Variants in FYN observed in about 807,000 individuals in gnomAD.
FYN encodes the protein FYN proto-oncogene, Src family tyrosine kinase.
Under a neutral mutation model 70.2 loss-of-function variants are expected in FYN, and 10 were observed. The ratio of observed to expected loss-of-function variants is 0.14; its 90% CI spans 0.09 to 0.24. The LOEUF (loss-of-function observed/expected upper bound fraction) is 0.24. Ranked by LOEUF, FYN falls within the 10% of genes least tolerant of loss-of-function variation. FYN has a pLI of 1.00. For missense variants in FYN, 319 were observed against 673.1 expected (o/e 0.47, Z 5.82); for synonymous variants, 236 against 248.6 (o/e 0.95, Z 0.48).
chr6:111,725,125 T>C (rs145845657), intron 3 of FYN, among the ~76,000 whole-genome samples: 3,214 of 152,300 alleles, frequency 0.021, 47 homozygotes, highest in Middle Eastern at 0.068. Context: ...AGAAGATTCA[T>C]GGCAGAGGGC....
chr6:111,711,668 C>T (rs1800385573), intron 5 of FYN, among the ~76,000 whole-genome samples: 1 of 152,200 alleles, frequency 6.6e-6, no homozygotes, highest in South Asian at 2.1e-4. Flanking sequence ...GTGGCAGCTG[C>T]CCTGGCAGAA....
At chr6:111,703,142 A>G (rs1405944355) in intron 7 of FYN, 108 bp from the exon 8 acceptor site, 16 of 899,340 alleles carry the variant, frequency 1.8e-5, no homozygotes, top group Admixed American at 4.3e-5. Context: ...ATGCACACAC[A>G]CATGTACACA....
At chr6:111,732,864 G>A (rs1321107291) in intron 3 of FYN, among the ~76,000 whole-genome samples, 1 of 152,096 alleles carries the variant, frequency 6.6e-6, no homozygotes, top group Non-Finnish European at 1.5e-5. Flanking sequence ...CTGGGCCCCG[G>A]ACAGCTTCAC....
chr6:111,867,349 G>C (rs868144588), intron 1 of FYN, among the ~76,000 whole-genome samples: 1 of 151,492 alleles, frequency 6.6e-6, no homozygotes, highest in African/African-American at 2.4e-5. Flanking sequence ...CAGCTACTCG[G>C]GAGGCTGAGG....
chr6:111,750,156 T>C (rs1163568747), intron 3 of FYN, among the ~76,000 whole-genome samples: 1 of 152,220 alleles, frequency 6.6e-6, no homozygotes, highest in Non-Finnish European at 1.5e-5. Flanking sequence ...AGTTTGCATG[T>C]ATGTCTCCGT....
At chr6:111,846,718 T>A (rs1191124009) in intron 1 of FYN, 89 bp from the exon 2 acceptor site, 8 of 398,072 alleles carry the variant, frequency 2.0e-5, no homozygotes, top group Non-Finnish European at 3.1e-5. Flanking sequence ...CACCATAGAA[T>A]TTCCATTTGT....
chr6:111,855,899 A>G (rs923648034), intron 1 of FYN, among the ~76,000 whole-genome samples: 1 of 152,200 alleles, frequency 6.6e-6, no homozygotes, highest in African/African-American at 2.4e-5. Flanking sequence ...CATGATGAGA[A>G]CTCAGTGTTC....
intron 2 of FYN, among the ~76,000 whole-genome samples, chr6:111,839,447 A>C (rs1188814564): frequency 6.6e-6 from 1 of 152,136 alleles, no homozygotes; most frequent in Non-Finnish European, 1.5e-5. Flanking sequence ...TGCAAGCTGA[A>C]GATATGATAA....
chr6:111,714,250 T>G, intron 5 of FYN, 97 bp downstream of exon 5: 1 of 760,164 alleles, frequency 1.3e-6, no homozygotes, highest in Non-Finnish European at 2.3e-6. Context: ...AAATGTTCTT[T>G]TAGCATTTCA....
chr6:111,693,833 T>C (rs79603407), intron 12 of FYN, among the ~76,000 whole-genome samples: 1,858 of 152,152 alleles, frequency 0.012, 31 homozygotes, highest in African/African-American at 0.041. Context: ...TGGGTGTGAA[T>C]CCCCAGATCC....
At chr6:111,845,052 C>CTGAG (rs1773484622) in intron 2 of FYN, 2 of 152,384 alleles carry the variant, frequency 1.3e-5, no homozygotes, top group South Asian at 4.1e-4. Flanking sequence ...ACCCCACTAA[C>CTGAG]TGAGCCCTGC....
chr6:111,824,829 G>A lies in FYN; in HGVS notation c.-82+21760C>T, dbSNP rs114205943. On this transcript the variant is annotated intron_variant, in intron 2 of 13. Transcript: ENST00000354650. ...CCAGGTAGCCACAAAATGAGGTCTT[G>A]CACACTTTTACTCCTAAGGTTATCT... Among the ~76,000 whole-genome samples, 592 of 152,284 alleles carry A rather than the reference G, an allele frequency of 3.9e-3. 6 individuals are homozygous for A. The highest frequency in any genetic ancestry group is 0.014 in the African/African-American group (576 of 41,560).
intron 3 of FYN, among the ~76,000 whole-genome samples, chr6:111,721,243 C>T (rs750599652): frequency 3.9e-5 from 6 of 152,126 alleles, no homozygotes; most frequent in Non-Finnish European, 5.9e-5. Flanking sequence ...GCACCCTTGG[C>T]GCCATATTAA....
chr6:111,724,506 C>G (rs2128465665), intron 3 of FYN, among the ~76,000 whole-genome samples: 1 of 152,274 alleles, frequency 6.6e-6, no homozygotes, highest in Non-Finnish European at 1.5e-5. Context: ...CCAGTAAGCC[C>G]AAGTTATAAG....
intron 3 of FYN, among the ~76,000 whole-genome samples, chr6:111,755,220 C>T (rs918134613): frequency 6.6e-6 from 1 of 151,898 alleles, no homozygotes; most frequent in Admixed American, 6.6e-5. Flanking sequence ...AGTGTGGATG[C>T]TAACAAGGTA....
intron 2 of FYN, among the ~76,000 whole-genome samples, chr6:111,824,949 A>AGAAG (rs1772785814): frequency 5.3e-5 from 8 of 152,200 alleles, no homozygotes; most frequent in African/African-American, 1.9e-4. Flanking sequence ...TAAAGTTTTC[A>AGAAG]TTACTTCTGA....
intron 1 of FYN, among the ~76,000 whole-genome samples, chr6:111,850,100 T>C (rs1320560420): frequency 6.6e-6 from 1 of 152,226 alleles, no homozygotes; most frequent in Non-Finnish European, 1.5e-5. Context: ...TGTTTACTAC[T>C]ACCCAGCAAT....
At chr6:111,771,955 C>A (rs915142098) in intron 3 of FYN, among the ~76,000 whole-genome samples, 2 of 151,978 alleles carry the variant, frequency 1.3e-5, no homozygotes, top group Non-Finnish European at 2.9e-5. Flanking sequence ...GGGGGCATGG[C>A]CAGAAGGGAT....
chr6:111,776,967 C>T (rs995789309), intron 3 of FYN, among the ~76,000 whole-genome samples: 1 of 152,210 alleles, frequency 6.6e-6, no homozygotes, highest in Non-Finnish European at 1.5e-5. Context: ...AGATCTCTCT[C>T]CTCCCTAAGC....
Sources: gnomAD v4.1 joint callset for allele counts (sites outside exome capture counted in the v4.1 genomes callset) on GRCh38, gnomAD v4.1.1 for gene constraint, MANE v1.5 for transcripts, NCBI Gene and HGNC (gene_info 2026-07-23, HGNC 2026-07-21) for gene names.